Variants in C1QTNF2 observed in about 807,000 individuals in gnomAD.
The protein encoded by C1QTNF2 is C1q and TNF related 2.
In C1QTNF2, 15 loss-of-function variants were observed where a neutral mutation model predicts 17.4. The observed-to-expected ratio is 0.86, with a 90% CI of 0.58 to 1.33. The LOEUF is 1.33. C1QTNF2 is among the 40% of genes most tolerant of loss of function. The pLI, the probability that C1QTNF2 is intolerant of heterozygous loss-of-function variation, is 0.00. For synonymous variants in C1QTNF2, 154 were observed against 163.3 expected (o/e 0.94, Z 0.44); for missense variants, 381 against 392.3 (o/e 0.97, Z 0.24).
intron 1 of C1QTNF2, among the ~76,000 whole-genome samples, chr5:160,363,288 G>A (rs1164989038): frequency 2.6e-5 from 4 of 152,210 alleles, no homozygotes; most frequent in African/African-American, 4.8e-5. Flanking sequence ...AGGAAAAAGC[G>A]GCTGGCTGCC....
At chr5:160,365,567 C>A (rs74527921) in intron 1 of C1QTNF2, among the ~76,000 whole-genome samples, 1 of 152,018 alleles carries the variant, frequency 6.6e-6, no homozygotes, top group African/African-American at 2.4e-5. Context: ...GACCTCCCCC[C>A]ACCTCACCCC....
intron 1 of C1QTNF2, among the ~76,000 whole-genome samples, chr5:160,358,308 A>G (rs950467810): frequency 1.3e-5 from 2 of 152,158 alleles, no homozygotes; most frequent in Non-Finnish European, 2.9e-5. Flanking sequence ...CAAGAAAAAC[A>G]AGGCTACAAA....
Position 160,354,816 on chromosome 5 carries a change from C to A in C1QTNF2, c.196G>T (p.Asp66Tyr). 1 of 1,613,698 alleles carries A rather than the reference C, an allele frequency of 6.2e-7. No individual in the cohort carries two copies. Among genetic ancestry groups the A allele is most frequent in the Non-Finnish European group, 8.5e-7 (1 of 1,179,954 alleles). The change falls in exon 2 of 3, where the codon GAC (aspartate) becomes TAC (tyrosine). Residue 66 changes from aspartate (D) to tyrosine (Y), a missense_variant. By Grantham distance (160) the Asp-to-Tyr change is radical (BLOSUM62 -3). Transcript: ENST00000652664. ...MMGRMGFPGK[D>Y]GQDGHDGDRG... ...TCGCCGTCGTGTCCATCTTGGCCGTCTTTGCCAGGAAAGCCCATTCGTCCC... is the reference window on the plus strand; with the variant it reads ...TCGCCGTCGTGTCCATCTTGGCCGTATTTGCCAGGAAAGCCCATTCGTCCC...
intron 1 of C1QTNF2, among the ~76,000 whole-genome samples, chr5:160,364,147 T>C (rs919277776): frequency 2.6e-5 from 4 of 152,246 alleles, no homozygotes; most frequent in African/African-American, 9.6e-5. Flanking sequence ...ACATTTTACA[T>C]TCTTAAGTTA....
chr5:160,357,910 G>A (rs533396288), intron 1 of C1QTNF2, among the ~76,000 whole-genome samples: 6 of 152,288 alleles, frequency 3.9e-5, no homozygotes, highest in African/African-American at 1.4e-4. Flanking sequence ...CGAGAGAGAG[G>A]GAGAGAAAGG....
chr5:160,368,133 G>A (rs575987789), intron 1 of C1QTNF2, among the ~76,000 whole-genome samples: 19 of 152,180 alleles, frequency 1.2e-4, no homozygotes, highest in East Asian at 1.9e-4. Flanking sequence ...ATGTGTATGC[G>A]CATGTGTATG....
intron 1 of C1QTNF2, 88 bp downstream of exon 1, chr5:160,370,424 C>G: frequency 7.4e-7 from 1 of 1,350,560 alleles, no homozygotes; most frequent in Non-Finnish European, 9.5e-7. Context: ...TTCCGCATCC[C>G]GCCCCGCCCG....
At chr5:160,370,231 T>C (rs1764325220) in intron 1 of C1QTNF2, among the ~76,000 whole-genome samples, 1 of 152,162 alleles carries the variant, frequency 6.6e-6, no homozygotes, top group African/African-American at 2.4e-5. Context: ...AAGTAGGCGC[T>C]CAATAAATGG....
rs116331841 is a variant in C1QTNF2, at chr5:160,368,019, G to C, written c.-10+2493C>G. 4.0e-3 allele frequency among the ~76,000 whole-genome samples: 609 copies of C among 152,266 alleles called. 4 individuals are homozygous for C. Among genetic ancestry groups the C allele is most frequent in the African/African-American group, 0.014 (582 of 41,548 alleles). On this transcript the variant is annotated intron_variant, in intron 1 of 2. Coordinates refer to ENST00000652664, the MANE Select transcript of C1QTNF2 (RefSeq NM_031908.6). ...GAAAAGGGAAAAATTACTTTTCCTA[G>C]GTCAATGTTTGGGTGGAACTCAGGC... is the stretch of plus-strand genomic sequence containing the variant.
Position 160,349,225 on chromosome 5 carries a change from G to C in C1QTNF2, c.801C>G (p.Asp267Glu), listed in dbSNP as rs1262140976. ...AGATTAGGAAGCCCGTAAAGAGGCT[G>C]TCTGTCCAGTAAGGGTCATAGAAGA... The part of the protein sequence containing the change: ...NGLFYDPYWT[D>E]SLFTGFLIYA... The change falls in exon 3 of 3, where the codon GAC becomes GAG. Residue 267 changes from aspartate (D) to glutamate (E), a missense_variant. Transcript: ENST00000652664. This position sits in a 1 kb window ranked among gnomAD's most constrained non-coding sequence, Gnocchi z 4.3. 1.2e-6 allele frequency: 2 copies of C among 1,614,054 alleles called. No individual in the cohort carries two copies. Among genetic ancestry groups the C allele is most frequent in the East Asian group, 4.5e-5 (2 of 44,892 alleles).
At chr5:160,358,353 T>C (rs1180378353) in intron 1 of C1QTNF2, among the ~76,000 whole-genome samples, 1 of 152,030 alleles carries the variant, frequency 6.6e-6, no homozygotes, top group Non-Finnish European at 1.5e-5. Context: ...TGCCCCACCC[T>C]CACCCCACTC....
Position 160,349,768 on chromosome 5 carries a change from C to T in C1QTNF2, c.258G>A (p.Arg86=), listed in dbSNP as rs1413844820. ...GDSGEEGPPG[R]TGNRGKPGPK... ...GTCCTGGCTTTCCCCGGTTACCTGT[C>T]CGGCCAGGTGGACCTGGAAGACAGA... Residue 86 remains arginine, a synonymous_variant, in exon 3 of 3, where the codon CGG becomes CGA. Transcript: ENST00000652664. This position sits in a 1 kb window ranked among gnomAD's most constrained non-coding sequence, Gnocchi z 4.3. 1 of 1,524,588 alleles carries T rather than the reference C, an allele frequency of 6.6e-7. No individual in the cohort carries two copies. The highest frequency in any genetic ancestry group is 2.2e-5 in the East Asian group (1 of 44,462). The allele number at this position is 1,524,588 out of a possible 1,614,324, so 94.4% of individuals were successfully genotyped here. A position where few individuals can be genotyped will look rare whatever the true frequency, so the allele number is the denominator to read the frequency against.
At chr5:160,355,712 C>T (rs60965415) in intron 1 of C1QTNF2, among the ~76,000 whole-genome samples, 1 of 152,210 alleles carries the variant, frequency 6.6e-6, no homozygotes, top group Non-Finnish European at 1.5e-5. Context: ...CTTTTCCAAC[C>T]CGGGGCCTGT....
At chr5:160,360,099 T>C (rs4921133) in intron 1 of C1QTNF2, among the ~76,000 whole-genome samples, 109,058 of 152,120 alleles carry the variant, frequency 0.72, 39,415 homozygotes, top group Middle Eastern at 0.85. Flanking sequence ...CATTCCCTGA[T>C]GTGCCCTCTC....
rs537743972 is a variant in C1QTNF2, at chr5:160,354,673, G to C, written c.244+95C>G. 7.2e-5 allele frequency: 88 copies of C among 1,223,456 alleles called. No individual in the cohort carries two copies. The African/African-American group carries it at 9.6e-4, about 13-fold the overall frequency. 75.8% of individuals were successfully genotyped at this position (1,223,456 alleles called of 1,614,324 possible). The stretch of plus-strand genomic sequence containing the variant: ...ATAGTAATTTGATTTATAATGAAGA[G>C]GATTAATACTAGTTTTATTAACTTC... On this transcript the variant is annotated intron_variant, in intron 2 of 2. Coordinates refer to ENST00000652664, the MANE Select transcript of C1QTNF2 (RefSeq NM_031908.6).
At chr5:160,367,137 G>GGATCAGTTGGCT (rs1329271900) in intron 1 of C1QTNF2, among the ~76,000 whole-genome samples, 2 of 152,248 alleles carry the variant, frequency 1.3e-5, no homozygotes, top group East Asian at 3.9e-4. Flanking sequence ...AGACAAGCAG[G>GGATCAGTTGGCT]GATCAGTTGG....
At chr5:160,357,159 A>T (rs576348801) in intron 1 of C1QTNF2, among the ~76,000 whole-genome samples, 4 of 152,264 alleles carry the variant, frequency 2.6e-5, no homozygotes, top group Non-Finnish European at 5.9e-5. Flanking sequence ...TTCAACTTGG[A>T]AACAGGTGAG....
At chr5:160,352,609 T>C (rs1157329513) in intron 2 of C1QTNF2, among the ~76,000 whole-genome samples, 1 of 152,218 alleles carries the variant, frequency 6.6e-6, no homozygotes. Context: ...GCAGAGACTC[T>C]GTCCCTCAGG....
chr5:160,367,008 A>G, intron 1 of C1QTNF2, among the ~76,000 whole-genome samples: 1 of 145,852 alleles, frequency 6.9e-6, no homozygotes. Context: ...TGGGCAACAG[A>G]GCAAGACATT....
Sources: gnomAD v4.1 joint callset for allele counts (sites outside exome capture counted in the v4.1 genomes callset) on GRCh38, gnomAD v4.1.1 for gene constraint, Gnocchi (gnomAD v3.1) non-coding constraint, MANE v1.5 for transcripts, NCBI Gene and HGNC (gene_info 2026-07-23, HGNC 2026-07-21) for gene names.